Variants in CFAP44 observed in about 807,000 individuals in gnomAD.
CFAP44 encodes cilia and flagella associated protein 44.
Under a neutral mutation model 216.2 loss-of-function variants are expected in CFAP44, and 134 were observed. That is an observed-to-expected ratio of 0.62 (90% CI 0.54 to 0.72). CFAP44 has a LOEUF of 0.72. Among genes scored for constraint, CFAP44 ranks in the 30% least tolerant of loss-of-function variants. The pLI, the probability that CFAP44 is intolerant of heterozygous loss-of-function variation, is 0.00. For missense variants in CFAP44, 2,035 were observed against 2,182.1 expected (o/e 0.93, Z 1.34); for synonymous variants, 700 against 727.6 (o/e 0.96, Z 0.61).
In CFAP44 at chr3:113,407,050, A is replaced by G. The variant is rs1210221872; in HGVS notation, c.891-9T>C. On this transcript the variant is annotated splice_polypyrimidine_tract_variant and intron_variant, in intron 7 of 34. Transcript: ENST00000393845. ...AAGCCATTTCCCAGAACCTACAAAC[A>G]AGAAAGAGACTGAATGTACCTCAAA... 1 of 1,598,816 alleles carries G rather than the reference A, an allele frequency of 6.3e-7. No homozygotes were observed. The highest frequency in any genetic ancestry group is 1.3e-5 in the African/African-American group (1 of 74,646).
intron 1 of CFAP44, chr3:113,434,485 T>G (rs1935188913): frequency 6.6e-6 from 1 of 152,184 alleles, no homozygotes; most frequent in Admixed American, 6.5e-5. Context: ...TATACCTTAT[T>G]TCCTTGACAA....
At chr3:113,359,262 C>G (rs984756002) in intron 21 of CFAP44, among the ~76,000 whole-genome samples, 4 of 152,272 alleles carry the variant, frequency 2.6e-5, no homozygotes, top group Admixed American at 2.6e-4. Flanking sequence ...TGTGACCCCA[C>G]CCAGGAAAGA....
At chr3:113,411,383 C>T (rs1241501112) in intron 6 of CFAP44, among the ~76,000 whole-genome samples, 1 of 152,108 alleles carries the variant, frequency 6.6e-6, no homozygotes, top group African/African-American at 2.4e-5. Context: ...GTTTTCCCAG[C>T]ACCATTTATT....
intron 5 of CFAP44, among the ~76,000 whole-genome samples, chr3:113,419,539 C>G (rs1934749816): frequency 1.3e-5 from 2 of 152,152 alleles, no homozygotes; most frequent in African/African-American, 4.8e-5. Context: ...AAGAAAGAAA[C>G]AAACATGATA....
intron 24 of CFAP44, among the ~76,000 whole-genome samples, chr3:113,333,799 G>T (rs992220927): frequency 3.3e-5 from 5 of 151,914 alleles, no homozygotes; most frequent in African/African-American, 4.8e-5. Context: ...TATATAAACA[G>T]GAACCAATCA....
intron 1 of CFAP44, among the ~76,000 whole-genome samples, chr3:113,436,949 TCTG>T (rs1178885320): frequency 6.6e-6 from 1 of 152,238 alleles, no homozygotes; most frequent in Non-Finnish European, 1.5e-5. Flanking sequence ...CAGCTAGCTC[TCTG>T]CTTAGAGTTT....
intron 4 of CFAP44, among the ~76,000 whole-genome samples, chr3:113,423,197 C>A (rs996286543): frequency 1.5e-4 from 22 of 143,456 alleles, no homozygotes; most frequent in Non-Finnish European, 1.9e-4. Context: ...TCCCTGCAGG[C>A]TCAACTTCCC....
chr3:113,342,278 A>G (rs1010907051), intron 23 of CFAP44, among the ~76,000 whole-genome samples: 1 of 152,214 alleles, frequency 6.6e-6, no homozygotes, highest in African/African-American at 2.4e-5. Context: ...GGTTGCAGTA[A>G]GCTGAAATCT....
intron 22 of CFAP44, among the ~76,000 whole-genome samples, chr3:113,354,054 T>C (rs757331282): frequency 1.3e-5 from 2 of 151,690 alleles, no homozygotes; most frequent in African/African-American, 2.4e-5. Flanking sequence ...GCTGCTCTGA[T>C]CTCACCTAAC....
chr3:113,396,786 T>C, intron 13 of CFAP44, 59 bp from the exon 14 acceptor site: 3 of 1,479,052 alleles, frequency 2.0e-6, no homozygotes, highest in Non-Finnish European at 2.8e-6. Flanking sequence ...AGTTGTACTA[T>C]ATAACAGATA....
rs528368478 is a variant in CFAP44, at chr3:113,410,692, T to C, written c.674-1370A>G. ...ATGGGATGGCTGGGTCAAATGGTAT[T>C]TCTAGTTGTAGATCCTTGAGGAATC... On this transcript the variant is annotated intron_variant, in intron 6 of 34. Coordinates refer to ENST00000393845, the MANE Select transcript of CFAP44 (RefSeq NM_001164496.2). Among the ~76,000 whole-genome samples, 38 of 152,346 alleles carry C rather than the reference T, an allele frequency of 2.5e-4. 1 individual carries two copies. The East Asian group carries it at 3.3e-3, about 13-fold the overall frequency.
intron 34 of CFAP44, among the ~76,000 whole-genome samples, chr3:113,292,502 G>T (rs150050997): frequency 6.6e-6 from 1 of 152,320 alleles, no homozygotes; most frequent in East Asian, 1.9e-4. Flanking sequence ...GAATACATCT[G>T]TGAAAGGAAA....
chr3:113,336,497 T>C (rs1271482903), intron 24 of CFAP44, among the ~76,000 whole-genome samples: 1 of 151,976 alleles, frequency 6.6e-6, no homozygotes, highest in African/African-American at 2.4e-5. Context: ...ACACAAATTA[T>C]AAAAACTAAC....
At chr3:113,306,063 A>G in intron 30 of CFAP44, 138 bp downstream of exon 30, 1 of 1,100,472 alleles carries the variant, frequency 9.1e-7, no homozygotes. Flanking sequence ...ATTTAGGGAG[A>G]AAAAAACCTG....
At chr3:113,302,772 C>CAAAAAAAAAAAAAAAAAA (rs57355375) in intron 32 of CFAP44, among the ~76,000 whole-genome samples, 4 of 44,420 alleles carry the variant, frequency 9.0e-5, no homozygotes, top group East Asian at 5.3e-4. Flanking sequence ...GACTCCATCT[C>CAAAAAAAAAAAAAAAAAA]AAAAAAAAAA....
At chr3:113,376,659 C>A (rs976939618) in intron 17 of CFAP44, among the ~76,000 whole-genome samples, 3 of 152,150 alleles carry the variant, frequency 2.0e-5, no homozygotes, top group Non-Finnish European at 2.9e-5. Flanking sequence ...CTGAGCTTAT[C>A]ATCATTAGTG....
At chr3:113,302,457 T>TCAAAAAAAAAAAAAAAAAAAAAAAAAA (rs1949944738) in intron 32 of CFAP44, among the ~76,000 whole-genome samples, 1 of 75,812 alleles carries the variant, frequency 1.3e-5, no homozygotes, top group Non-Finnish European at 2.8e-5. Flanking sequence ...CTAGACAAAG[T>TCAAAAAAAAAAAAAAAAAAAAAAAAAA]AAAAAAAAAA....
Position 113,288,954 on chromosome 3 carries a change from A to T in CFAP44, c.*2603T>A, listed in dbSNP as rs556100754. On this transcript the variant is annotated 3_prime_UTR_variant, in exon 35 of 35. Transcript: ENST00000393845. ...AAGAGCCAAGTTATATGAACAATTG[A>T]CCCACAAGTAACTCAGTGTAGGCTG... The T allele has an allele frequency of 1.3e-5, 2 of 152,170 alleles. No individual in the cohort carries two copies. Among genetic ancestry groups the T allele is most frequent in the Non-Finnish European group, 2.9e-5 (2 of 68,040 alleles). 9.4% of individuals were successfully genotyped at this position (152,170 alleles called of 1,614,324 possible). A position where few individuals can be genotyped will look rare whatever the true frequency, so the allele number is the denominator to read the frequency against.
chr3:113,298,905 T>G (rs1256031043), intron 32 of CFAP44, among the ~76,000 whole-genome samples: 2 of 152,214 alleles, frequency 1.3e-5, no homozygotes, highest in East Asian at 3.8e-4. Flanking sequence ...TGGAGATGGA[T>G]GGTGGTGATG....
Sources: allele counts gnomAD v4.1 joint callset (sites outside exome capture counted in the v4.1 genomes callset), GRCh38; gene constraint gnomAD v4.1.1; transcripts MANE v1.5; gene names NCBI Gene and HGNC (gene_info 2026-07-23, HGNC 2026-07-21).